CABIN1: variants seen among roughly 807,000 people sequenced by gnomAD.
CABIN1 encodes the protein calcineurin binding protein 1, also known as calcineurin-binding protein cabin-1.
A neutral mutation model predicts 227.7 loss-of-function variants in CABIN1; 133 were observed. The observed-to-expected ratio is 0.58, with a 90% CI of 0.51 to 0.67. CABIN1 has a LOEUF of 0.67. Among genes scored for constraint, CABIN1 ranks in the 30% least tolerant of loss-of-function variants. The pLI is 0.00. For synonymous variants in CABIN1, 1,086 were observed against 1,155.1 expected (o/e 0.94, Z 1.21); for missense variants, 2,408 against 2,852.5 (o/e 0.84, Z 3.55).
intron 1 of CABIN1, among the ~76,000 whole-genome samples, chr22:24,023,568 T>A (rs1355392216): frequency 6.6e-6 from 1 of 152,210 alleles, no homozygotes; most frequent in Non-Finnish European, 1.5e-5. Context: ...TCCTTTCTGT[T>A]TTATTTTTTT....
intron 12 of CABIN1, 123 bp from the exon 13 acceptor site, chr22:24,061,824 G>T: frequency 1.3e-6 from 1 of 741,268 alleles, no homozygotes; most frequent in South Asian, 1.5e-5. Context: ...AATGGCAAGT[G>T]GATAGAAAGA....
chr22:24,056,327 TC>T lies in CABIN1; in HGVS notation c.1231del (p.Gln411ArgfsTer4). The T allele has an allele frequency of 6.2e-7, 1 of 1,613,940 alleles. No individual in the cohort carries two copies. Among genetic ancestry groups the T allele is most frequent in the Non-Finnish European group, 8.5e-7 (1 of 1,179,854 alleles). ...TGCAAAAAAGAAGAGAAAGTAGACT[TC>T]CAGGAGCTTCTGATGAAGTTCTTGC... is the stretch of plus-strand genomic sequence containing the variant. The part of the protein sequence containing the change: ...TKCKKEEKVD[F>X]QELLMKFLPS... On this transcript the variant is annotated frameshift_variant, in exon 10 of 37. Coordinates refer to ENST00000263119, the MANE Select transcript of CABIN1 (RefSeq NM_012295.4). LOFTEE classifies it high-confidence loss of function.
In CABIN1 at chr22:24,062,251, C is replaced by T. The variant is rs115144936; in HGVS notation, c.1696+226C>T. Among the ~76,000 whole-genome samples the T allele has an allele frequency of 1.5e-3, 232 of 151,634 alleles. 1 individual carries two copies. Among genetic ancestry groups the T allele is most frequent in the African/African-American group, 5.3e-3 (219 of 41,312 alleles). On this transcript the variant is annotated intron_variant, in intron 13 of 36. Transcript: ENST00000263119. ...GCCACCTCCCTGCTTTGCTGTTACA[C>T]AAGATTGAAGGAAGTGGGATCTCAG...
chr22:24,177,746 G>T lies in CABIN1; in HGVS notation c.6448G>T (p.Val2150Phe). 1 of 1,611,840 alleles carries T rather than the reference G, an allele frequency of 6.2e-7. No homozygotes were observed. ...AATKFPPEIT[V>F]TPPTPTLLSP... The stretch of plus-strand genomic sequence containing the variant: ...CACCAAGTTCCCCCCTGAGATCACC[G>T]TCACGCCACCCACCCCAACCCTGCT... The change falls in exon 36 of 37, where the codon GTC becomes TTC. Residue 2150 changes from valine to phenylalanine, a missense_variant. Val to Phe is a conservative substitution (Grantham distance 50). Coordinates refer to ENST00000263119, the MANE Select transcript of CABIN1 (RefSeq NM_012295.4). This position sits in a 1 kb window ranked among gnomAD's most constrained non-coding sequence, Gnocchi z 4.4.
chr22:24,098,768 C>T (rs2042043522), intron 26 of CABIN1, among the ~76,000 whole-genome samples: 1 of 152,194 alleles, frequency 6.6e-6, no homozygotes, highest in East Asian at 1.9e-4. Context: ...CATTAGGAGG[C>T]TTGCATGCTG....
chr22:24,161,665 A>G (rs533954131), intron 29 of CABIN1, among the ~76,000 whole-genome samples: 158 of 152,132 alleles, frequency 1.0e-3, no homozygotes, highest in African/African-American at 3.4e-3. Context: ...ACTGCTGCCT[A>G]TGCCCTTCTT....
chr22:24,147,021 C>T (rs2045161326), intron 29 of CABIN1, among the ~76,000 whole-genome samples: 1 of 152,236 alleles, frequency 6.6e-6, no homozygotes, highest in Non-Finnish European at 1.5e-5. Flanking sequence ...GAAGCAGCTG[C>T]TATTTTTTCC....
At chr22:24,168,607 C>G (rs2046598495) in intron 33 of CABIN1, 86 bp downstream of exon 33, 2 of 1,088,984 alleles carry the variant, frequency 1.8e-6, no homozygotes, top group East Asian at 2.6e-5. Flanking sequence ...GAAGCAGATC[C>G]ACTCTTGGGA....
chr22:24,172,120 G>A, intron 34 of CABIN1, 125 bp downstream of exon 34: 1 of 1,232,104 alleles, frequency 8.1e-7, no homozygotes, highest in Non-Finnish European at 1.1e-6. Flanking sequence ...GATCCCACAG[G>A]GTGGCGGGGC....
At chr22:24,130,586 C>T (rs771024489) in intron 28 of CABIN1, among the ~76,000 whole-genome samples, 7 of 152,086 alleles carry the variant, frequency 4.6e-5, no homozygotes, top group Admixed American at 2.0e-4. Flanking sequence ...GCAGGTGCAC[C>T]GTGCAAGTCA....
rs1376075484 is a variant in CABIN1, at chr22:24,177,060, G to A, written c.6206-444G>A. On this transcript the variant is annotated intron_variant, in intron 35 of 36. Transcript: ENST00000263119. This position sits in a 1 kb window ranked among gnomAD's most constrained non-coding sequence, Gnocchi z 4.4. The stretch of plus-strand genomic sequence containing the variant: ...CCTTGCTCCCACTGGAGGATGAGGC[G>A]AAAGTGGATGCCCTGGGGCCAGCTC... Among the ~76,000 whole-genome samples the A allele has an allele frequency of 2.6e-5, 4 of 152,240 alleles. No individual in the cohort carries two copies. Among genetic ancestry groups the A allele is most frequent in the East Asian group, 3.9e-4 (2 of 5,194 alleles).
chr22:24,072,411 G>C lies in CABIN1; in HGVS notation c.2533G>C (p.Val845Leu), dbSNP rs1211738684. The change falls in exon 18 of 37, where the codon GTG (valine) becomes CTG (leucine). Residue 845 changes from valine to leucine, a missense_variant. By Grantham distance (32) the Val-to-Leu change is conservative. This residue lies in a region of CABIN1 where 1,045 missense variants were observed against 1,168.4 expected (regional missense o/e 0.89). Transcript: ENST00000263119. ...EEAKEPHVSS[V>L]LPWIILHRII... ...GGCCAAGGAGCCCCACGTCTCTTCA[G>C]TGCTACCCTGGATCATTCTACACCG... is the stretch of plus-strand genomic sequence containing the variant. The C allele has an allele frequency of 1.9e-6, 3 of 1,614,092 alleles. No individual in the cohort carries two copies. Among genetic ancestry groups the C allele is most frequent in the African/African-American group, 2.7e-5 (2 of 74,944 alleles).
chr22:24,118,280 AG>A (rs1422975692), intron 27 of CABIN1, among the ~76,000 whole-genome samples: 1 of 152,136 alleles, frequency 6.6e-6, no homozygotes, highest in Non-Finnish European at 1.5e-5. Flanking sequence ...GACTAATAGC[AG>A]GTGGCTGAGG....
intron 26 of CABIN1, among the ~76,000 whole-genome samples, chr22:24,112,162 T>C (rs2042844279): frequency 6.6e-6 from 1 of 152,256 alleles, no homozygotes; most frequent in Non-Finnish European, 1.5e-5. Flanking sequence ...TCTTTCTTTG[T>C]GTGTCTTACA....
chr22:24,015,850 C>T (rs987961969), intron 1 of CABIN1, among the ~76,000 whole-genome samples: 2 of 152,006 alleles, frequency 1.3e-5, no homozygotes, highest in Admixed American at 6.5e-5. Context: ...CCCAGCTACC[C>T]GGGAAGCTGA....
At chr22:24,167,983 C>T (rs1287666117) in intron 32 of CABIN1, among the ~76,000 whole-genome samples, 1 of 152,196 alleles carries the variant, frequency 6.6e-6, no homozygotes, top group Non-Finnish European at 1.5e-5. Context: ...ACTTAAAGGG[C>T]AGGTTCTAGC....
chr22:24,134,270 A>G (rs368189789), intron 28 of CABIN1, 32 bp from the exon 29 acceptor site: 1 of 1,566,488 alleles, frequency 6.4e-7, no homozygotes, highest in African/African-American at 1.4e-5. Flanking sequence ...CAGCCCACAC[A>G]CTCACTTTCA....
chr22:24,098,350 C>G, intron 26 of CABIN1, 158 bp downstream of exon 26: 1 of 1,439,126 alleles, frequency 6.9e-7, no homozygotes, highest in Non-Finnish European at 9.4e-7. Context: ...CTCATGGATT[C>G]ACAGTGATTC....
At chr22:24,154,235 T>C (rs2045652272) in intron 29 of CABIN1, among the ~76,000 whole-genome samples, 1 of 152,168 alleles carries the variant, frequency 6.6e-6, no homozygotes, top group Non-Finnish European at 1.5e-5. Flanking sequence ...AGGTATGAAG[T>C]AAGGTCATGA....
Sources: allele counts gnomAD v4.1 joint callset (sites outside exome capture counted in the v4.1 genomes callset), GRCh38; gene constraint gnomAD v4.1.1; regional missense constraint gnomAD v4.1.1; non-coding constraint Gnocchi (gnomAD v3.1); transcripts MANE v1.5; gene names NCBI Gene and HGNC (gene_info 2026-07-23, HGNC 2026-07-21).